BICDL1: variants seen among roughly 807,000 people sequenced by gnomAD.
BICDL1 encodes BICD family like cargo adaptor 1.
In BICDL1, 20 loss-of-function variants were observed where a neutral mutation model predicts 76.8. The observed-to-expected ratio is 0.26, with a 90% CI of 0.18 to 0.38. The LOEUF is 0.38. BICDL1 is among the 10% of genes least tolerant of loss of function. The probability of loss-of-function intolerance (pLI) is 1.00; values close to 1 mark genes in which losing one functional copy is unlikely to be tolerated. For missense variants in BICDL1, 700 were observed against 798.6 expected (o/e 0.88, Z 1.49); for synonymous variants, 383 against 337.1 (o/e 1.14, Z -1.49).
At chr12:120,013,439 A>AGTGTGTGTGTGTGTGTGTGTGTGTGTGT (rs35499277) in intron 2 of BICDL1, among the ~76,000 whole-genome samples, 1 of 134,802 alleles carries the variant, frequency 7.4e-6, no homozygotes, top group East Asian at 2.3e-4. Flanking sequence ...CTTTAACCAG[A>AGTGTGTGTGTGTGTGTGTGTGTGTGTGT]GTGTGTGTGT....
At chr12:120,062,161 G>T (rs537931912) in intron 3 of BICDL1, among the ~76,000 whole-genome samples, 3 of 152,174 alleles carry the variant, frequency 2.0e-5, no homozygotes, top group Non-Finnish European at 4.4e-5. Context: ...GTCCAACTTA[G>T]TAAGGTCTAC....
intron 8 of BICDL1, among the ~76,000 whole-genome samples, chr12:120,084,847 G>A (rs919688378): frequency 8.7e-5 from 13 of 150,048 alleles, no homozygotes; most frequent in African/African-American, 3.0e-4. Context: ...CTGAGATCAC[G>A]CCATTGCACT....
At chr12:120,082,896 T>C (rs866329136) in intron 8 of BICDL1, among the ~76,000 whole-genome samples, 5 of 152,036 alleles carry the variant, frequency 3.3e-5, no homozygotes, top group African/African-American at 9.7e-5. Flanking sequence ...CTTTATTTTT[T>C]TTGAGAGAAA....
intron 1 of BICDL1, among the ~76,000 whole-genome samples, chr12:119,995,010 G>T (rs1240844211): frequency 6.6e-6 from 1 of 152,104 alleles, no homozygotes; most frequent in African/African-American, 2.4e-5. Flanking sequence ...TCTGTTCCAG[G>T]ATACCATATT....
In BICDL1 at chr12:119,998,604, G is replaced by A. The variant is rs6490279; in HGVS notation, c.513G>A (p.Glu171=). The A allele has an allele frequency of 0.028, 45,440 of 1,613,994 alleles. 1,383 individuals carry two copies. The highest frequency in any genetic ancestry group is 0.14 in the African/African-American group (10,586 of 74,934). The change falls in exon 2 of 10, where the codon GAG becomes GAA. Residue 171 remains glutamate (E), a synonymous_variant. Coordinates refer to ENST00000548673, the MANE Select transcript of BICDL1 (RefSeq NM_001367886.1). ...GEWEGRVSEL[E]SDVKQLQDEL... The stretch of plus-strand genomic sequence containing the variant: ...GGGAAGGCCGAGTGTCAGAGCTGGA[G>A]AGTGATGTGAAGCAGCTACAGGATG...
intron 6 of BICDL1, among the ~76,000 whole-genome samples, chr12:120,073,864 T>C (rs971462434): frequency 6.6e-5 from 10 of 152,354 alleles, no homozygotes; most frequent in Admixed American, 1.3e-4. Flanking sequence ...CCCCCAAGCC[T>C]GAAACAAAAG....
intron 9 of BICDL1, chr12:120,092,393 C>A (rs1264159792): frequency 1.0e-6 from 1 of 985,478 alleles, no homozygotes; most frequent in African/African-American, 1.7e-5. Context: ...GACCGTGAGG[C>A]CCCTGGCCTC....
chr12:119,998,685 T>G lies in BICDL1; in HGVS notation c.594T>G (p.Ala198=), dbSNP rs1268752161. 3.1e-6 allele frequency: 5 copies of G among 1,614,134 alleles called. No individual in the cohort carries two copies. The highest frequency in any genetic ancestry group is 2.7e-5 in the African/African-American group (2 of 75,026). The change falls in exon 2 of 10, where the codon GCT becomes GCG. Residue 198 remains alanine, a synonymous_variant. Transcript: ENST00000548673. The part of the protein sequence containing the change: ...LREADREKSR[A]VQELSEQNQR... Reference sequence around the variant, plus strand: ...AAGCAGATCGAGAAAAATCACGGGCTGTCCAGGAACTGTCGGAACAGAACC... The same window carrying G: ...AAGCAGATCGAGAAAAATCACGGGCGGTCCAGGAACTGTCGGAACAGAACC...
intron 3 of BICDL1, among the ~76,000 whole-genome samples, chr12:120,064,286 G>A (rs1594188321): frequency 6.6e-6 from 1 of 152,186 alleles, no homozygotes; most frequent in Non-Finnish European, 1.5e-5. Flanking sequence ...ATCCCGGGGT[G>A]TGAAAACACG....
At chr12:120,033,768 T>C (rs1047023039) in intron 2 of BICDL1, among the ~76,000 whole-genome samples, 1 of 152,106 alleles carries the variant, frequency 6.6e-6, no homozygotes, top group Non-Finnish European at 1.5e-5. Context: ...ATATTTTGTA[T>C]TAACTGGAGA....
intron 2 of BICDL1, among the ~76,000 whole-genome samples, chr12:120,003,346 G>T (rs1951795412): frequency 1.3e-5 from 2 of 152,166 alleles, no homozygotes; most frequent in Admixed American, 1.3e-4. Flanking sequence ...TTGTAAACAG[G>T]TATCTAGCAG....
rs1394324396 is a variant in BICDL1 at position 120,094,279 on chromosome 12, G to A, written c.*1118G>A. On this transcript the variant is annotated 3_prime_UTR_variant, in exon 10 of 10. Transcript: ENST00000548673. ...GATTCAGTCTCCCTCCCTCCCTCAC[G>A]TGGGGAAAGCACAGCAGGGATGCGC... The A allele has an allele frequency of 6.6e-6, 3 of 456,620 alleles. No individual in the cohort carries two copies. The highest frequency in any genetic ancestry group is 1.3e-5 in the Non-Finnish European group (3 of 226,982). 28.3% of individuals were successfully genotyped at this position (456,620 alleles called of 1,614,324 possible).
intron 2 of BICDL1, among the ~76,000 whole-genome samples, chr12:120,016,346 A>G (rs1382564130): frequency 6.6e-6 from 1 of 152,094 alleles, no homozygotes; most frequent in Non-Finnish European, 1.5e-5. Flanking sequence ...GCTGTTAGGA[A>G]CATTCATGTA....
At chr12:120,091,915 G>T in intron 9 of BICDL1, 1 of 985,226 alleles carries the variant, frequency 1.0e-6, no homozygotes, top group Non-Finnish European at 1.2e-6. Context: ...CAGGGAGCCT[G>T]CCCTGAACAC....
At chr12:120,057,812 T>G (rs1032510089) in intron 2 of BICDL1, among the ~76,000 whole-genome samples, 8 of 146,190 alleles carry the variant, frequency 5.5e-5, no homozygotes, top group Non-Finnish European at 1.0e-4. Flanking sequence ...AGGCCAGCGA[T>G]TCCTGCTTTT....
rs186634636 is a variant in BICDL1, at chr12:120,011,717, T to A, written c.645+12981T>A. On this transcript the variant is annotated intron_variant, in intron 2 of 9. Coordinates refer to ENST00000548673, the MANE Select transcript of BICDL1 (RefSeq NM_001367886.1). ...TTAGGTAGAATAACATTAACTGTTA[T>A]AATACATAAACCCTAAGCTCTCAAT... Among the ~76,000 whole-genome samples the A allele has an allele frequency of 5.0e-3, 756 of 152,316 alleles. 7 individuals are homozygous for A. The highest frequency in any genetic ancestry group is 0.017 in the African/African-American group (720 of 41,572).
At chr12:119,996,949 G>GT (rs1566201818) in intron 1 of BICDL1, among the ~76,000 whole-genome samples, 4 of 148,264 alleles carry the variant, frequency 2.7e-5, no homozygotes, top group Non-Finnish European at 3.0e-5. Flanking sequence ...GAAACAAAAA[G>GT]ATTTTTTTTT....
intron 2 of BICDL1, among the ~76,000 whole-genome samples, chr12:120,025,798 G>A (rs1208429195): frequency 6.6e-6 from 1 of 151,692 alleles, no homozygotes; most frequent in African/African-American, 2.4e-5. Context: ...TAGTATTGTG[G>A]TATATATTTC....
At chr12:120,024,876 C>G (rs1018222469) in intron 2 of BICDL1, among the ~76,000 whole-genome samples, 36 of 151,962 alleles carry the variant, frequency 2.4e-4, no homozygotes, top group African/African-American at 8.7e-4. Context: ...CGGATTTTCA[C>G]CATGTTGGCC....
Sources: allele counts gnomAD v4.1 joint callset (sites outside exome capture counted in the v4.1 genomes callset), GRCh38; gene constraint gnomAD v4.1.1; transcripts MANE v1.5; gene names NCBI Gene and HGNC (gene_info 2026-07-23, HGNC 2026-07-21).